PTPRG: variants seen among roughly 807,000 people sequenced by gnomAD.
The protein encoded by PTPRG is protein tyrosine phosphatase receptor type G.
Under a neutral mutation model 165.3 loss-of-function variants are expected in PTPRG, and 102 were observed. The ratio of observed to expected loss-of-function variants is 0.62; its 90% CI spans 0.53 to 0.73. PTPRG has a LOEUF of 0.73. PTPRG is among the 30% of genes least tolerant of loss of function. The pLI is 0.00. For missense variants in PTPRG, 1,866 were observed against 1,861.4 expected, an observed-to-expected ratio of 1.00 and a Z score of -0.05; for synonymous variants, 675 against 669.5, an observed-to-expected ratio of 1.01 and a Z score of -0.13.
chr3:61,982,953 T>C (rs75797128), intron 2 of PTPRG, among the ~76,000 whole-genome samples: 2,628 of 152,298 alleles, frequency 0.017, 65 homozygotes, highest in African/African-American at 0.057. Flanking sequence ...AAGCACACCA[T>C]TGATATGAAA....
intron 2 of PTPRG, among the ~76,000 whole-genome samples, chr3:61,880,464 A>G (rs1036498398): frequency 3.3e-5 from 5 of 152,104 alleles, no homozygotes; most frequent in South Asian, 2.1e-4. Flanking sequence ...TACAAAAAAT[A>G]CAAAAATTAG....
At chr3:61,894,301 C>CCAAAAAAAA (rs2038292380) in intron 2 of PTPRG, among the ~76,000 whole-genome samples, 1 of 49,838 alleles carries the variant, frequency 2.0e-5, no homozygotes, top group Non-Finnish European at 3.6e-5. Flanking sequence ...GACTCTGTGT[C>CCAAAAAAAA]AAAAAAAAAA....
Position 61,633,048 on chromosome 3 carries a change from G to A in PTPRG, c.85+70676G>A, listed in dbSNP as rs767477615. ...CCACCATCCTTCTTCTTGATTTGGC[G>A]CATTGTTAGAATGTCACCTCCTTAG... On this transcript the variant is annotated intron_variant, in intron 1 of 29. Transcript: ENST00000474889. Among the ~76,000 whole-genome samples the A allele has an allele frequency of 6.6e-5, 10 of 152,234 alleles. No homozygotes were observed. In the East Asian group the frequency reaches 9.7e-4, roughly 15 times the overall value.
At chr3:61,724,076 A>T (rs527479849) in intron 1 of PTPRG, among the ~76,000 whole-genome samples, 48 of 152,224 alleles carry the variant, frequency 3.2e-4, no homozygotes, top group African/African-American at 1.1e-3. Context: ...TACTAAAAAT[A>T]CGAAAATTAG....
At chr3:62,088,475 A>G (rs349167) in intron 5 of PTPRG, among the ~76,000 whole-genome samples, 50,049 of 152,212 alleles carry the variant, frequency 0.33, 10,393 homozygotes, top group African/African-American at 0.6. Flanking sequence ...CCAAGACTTG[A>G]ACAACTGGGA....
At chr3:61,810,399 G>C (rs955272584) in intron 2 of PTPRG, among the ~76,000 whole-genome samples, 1 of 152,182 alleles carries the variant, frequency 6.6e-6, no homozygotes, top group Non-Finnish European at 1.5e-5. Context: ...CTAAGAATCT[G>C]AGGTAAGGAA....
intron 2 of PTPRG, among the ~76,000 whole-genome samples, chr3:61,757,534 T>G (rs688145): frequency 2.6e-5 from 4 of 152,128 alleles, no homozygotes; most frequent in Non-Finnish European, 5.9e-5. Context: ...TGGCATTTCA[T>G]TTTTTTATAA....
At chr3:61,884,798 T>C (rs2037984569) in intron 2 of PTPRG, among the ~76,000 whole-genome samples, 1 of 152,214 alleles carries the variant, frequency 6.6e-6, no homozygotes, top group African/African-American at 2.4e-5. Flanking sequence ...GGTACAAGGC[T>C]ACATTGTGGT....
Position 62,233,256 on chromosome 3 carries a change from A to G in PTPRG, c.2375+1945A>G, listed in dbSNP as rs568390537. 1.3e-5 allele frequency among the ~76,000 whole-genome samples: 2 copies of G among 152,216 alleles called. No individual in the cohort carries two copies. Among genetic ancestry groups the G allele is most frequent in the South Asian group, 4.2e-4 (2 of 4,814 alleles). On this transcript the variant is annotated intron_variant, in intron 14 of 29. Transcript: ENST00000474889. This position sits in a 1 kb window ranked among gnomAD's most constrained non-coding sequence, Gnocchi z 4.7. Reference sequence around the variant, plus strand: ...TCCATGAAAACGATATGGGCCAGATACAGATCCTGTCCTCAAGGGGCGCCA... The same window carrying G: ...TCCATGAAAACGATATGGGCCAGATGCAGATCCTGTCCTCAAGGGGCGCCA...
At chr3:61,995,900 G>A (rs2041030795) in intron 3 of PTPRG, among the ~76,000 whole-genome samples, 1 of 151,692 alleles carries the variant, frequency 6.6e-6, no homozygotes, top group South Asian at 2.1e-4. Context: ...CTTTCTCTAC[G>A]GATCTCTCCA....
rs145779123 is a variant in PTPRG at position 61,917,667 on chromosome 3, C to T, written c.191-71958C>T. Among the ~76,000 whole-genome samples, 749 of 152,286 alleles carry T rather than the reference C, an allele frequency of 4.9e-3. 10 individuals are homozygous for T. The highest frequency in any genetic ancestry group is 0.016 in the African/African-American group (651 of 41,570). ...AGCAAAGGCGGGGCGTGGTGGCTCA[C>T]GCCTGTAATCCCAGCACTTTGCGAG... On this transcript the variant is annotated intron_variant, in intron 2 of 29. Transcript: ENST00000474889.
intron 2 of PTPRG, among the ~76,000 whole-genome samples, chr3:61,956,569 GAATT>G (rs1337994316): frequency 1.3e-5 from 2 of 152,034 alleles, no homozygotes; most frequent in African/African-American, 4.8e-5. Flanking sequence ...ACCAGCTCAA[GAATT>G]AATTCAATTA....
chr3:62,268,989 G>T, intron 19 of PTPRG, 46 bp from the exon 20 acceptor site: 1 of 1,493,316 alleles, frequency 6.7e-7, no homozygotes, highest in Non-Finnish European at 9.0e-7. Flanking sequence ...CAACAGAATT[G>T]TGGCATAGAT....
At chr3:62,111,285 C>G (rs1271975477) in intron 5 of PTPRG, among the ~76,000 whole-genome samples, 1 of 152,182 alleles carries the variant, frequency 6.6e-6, no homozygotes, top group Non-Finnish European at 1.5e-5. Context: ...CGAGGCCAGC[C>G]TTTCCCAGAA....
intron 4 of PTPRG, among the ~76,000 whole-genome samples, chr3:62,058,360 T>C (rs1160411821): frequency 2.0e-5 from 3 of 152,134 alleles, no homozygotes; most frequent in Non-Finnish European, 4.4e-5. Flanking sequence ...TTTTAGAGAC[T>C]GGGTTTTGCT....
chr3:61,907,685 C>T (rs189133725), intron 2 of PTPRG, among the ~76,000 whole-genome samples: 6 of 152,202 alleles, frequency 3.9e-5, no homozygotes, highest in Admixed American at 3.9e-4. Flanking sequence ...TAACGATTGG[C>T]CTGGAAGAAT....
At chr3:61,746,970 A>G (rs556501925) in intron 1 of PTPRG, among the ~76,000 whole-genome samples, 1 of 152,282 alleles carries the variant, frequency 6.6e-6, no homozygotes, top group Non-Finnish European at 1.5e-5. Context: ...TACAAAAATA[A>G]AAAATCAGCT....
At chr3:61,874,239 G>A (rs1221259635) in intron 2 of PTPRG, among the ~76,000 whole-genome samples, 1 of 152,114 alleles carries the variant, frequency 6.6e-6, no homozygotes, top group East Asian at 1.9e-4. Context: ...TGTACCTTGA[G>A]ACTTTAGGGT....
chr3:61,625,155 G>A (rs1701572058), intron 1 of PTPRG, among the ~76,000 whole-genome samples: 1 of 151,488 alleles, frequency 6.6e-6, no homozygotes, highest in Admixed American at 6.6e-5. Flanking sequence ...ACCTCTGTAA[G>A]GACCCTATCT....
Sources: allele counts gnomAD v4.1 joint callset (sites outside exome capture counted in the v4.1 genomes callset), GRCh38; gene constraint gnomAD v4.1.1; non-coding constraint Gnocchi (gnomAD v3.1); transcripts MANE v1.5; gene names NCBI Gene and HGNC (gene_info 2026-07-23, HGNC 2026-07-21).